Variants in STK32C observed in about 807,000 individuals in gnomAD.
The protein encoded by STK32C is serine/threonine kinase 32C, also known as serine/threonine-protein kinase 32C.
STK32C carries 31 observed loss-of-function variants against 56.5 expected under a neutral mutation model. The observed-to-expected ratio is 0.55, with a 90% confidence interval of 0.41 to 0.74. STK32C has a LOEUF of 0.74. Ranked by LOEUF, STK32C falls within the 30% of genes least tolerant of loss-of-function variation. The pLI is 0.00. For missense variants in STK32C, 544 were observed against 676.9 expected, an observed-to-expected ratio of 0.80 and a Z score of 2.18; for synonymous variants, 309 against 289.4, an observed-to-expected ratio of 1.07 and a Z score of -0.69.
intron 1 of STK32C, chr10:132,249,075 A>G: frequency 2.1e-6 from 1 of 478,392 alleles, no homozygotes; most frequent in Non-Finnish European, 4.2e-6. Context: ...GCTCCGGCAG[A>G]GGCTCCCAGC....
chr10:132,224,191 G>C (rs2062789770), intron 8 of STK32C, among the ~76,000 whole-genome samples: 1 of 152,180 alleles, frequency 6.6e-6, no homozygotes, highest in African/African-American at 2.4e-5. Context: ...GACCTGGTAG[G>C]GCTCGCCATG....
intron 1 of STK32C, among the ~76,000 whole-genome samples, chr10:132,274,160 C>G (rs371392976): frequency 1.3e-5 from 2 of 152,214 alleles, no homozygotes; most frequent in South Asian, 2.1e-4. Flanking sequence ...CAGGACGGGA[C>G]CAGACAGCAA....
At chr10:132,213,887 G>A (rs1233418045) in intron 10 of STK32C, among the ~76,000 whole-genome samples, 3 of 152,094 alleles carry the variant, frequency 2.0e-5, no homozygotes, top group Non-Finnish European at 4.4e-5. Context: ...TGCCTTTGAT[G>A]GTTCCTCAGT....
chr10:132,313,820 G>A (rs1444644706), intron 1 of STK32C, among the ~76,000 whole-genome samples: 8 of 152,252 alleles, frequency 5.3e-5, no homozygotes, highest in Non-Finnish European at 8.8e-5. Context: ...CAAGGACCAG[G>A]TCAAGAGGCC....
At chr10:132,244,451 T>C (rs1226126108) in intron 2 of STK32C, among the ~76,000 whole-genome samples, 1 of 151,768 alleles carries the variant, frequency 6.6e-6, no homozygotes, top group Non-Finnish European at 1.5e-5. Flanking sequence ...CAGGCAGGAG[T>C]GCAGGGCCAG....
intron 1 of STK32C, among the ~76,000 whole-genome samples, chr10:132,246,379 T>A (rs964738957): frequency 6.6e-6 from 1 of 152,178 alleles, no homozygotes; most frequent in African/African-American, 2.4e-5. Context: ...TGAGCAGCTG[T>A]TCCTGGTTCC....
chr10:132,307,597 C>A lies in STK32C; in HGVS notation c.237G>T (p.Arg79Ser). Reference protein sequence around the residue: ...GSSMSAATARRPVFDDKEDVN... With the variant: ...GSSMSAATARSPVFDDKEDVN... The stretch of plus-strand genomic sequence containing the variant: ...CGTCCTCCTTGTCGTCAAACACCGG[C>A]CTCCGCGCGGTGGCCGCCGACATGG... Residue 79 changes from arginine (R) to serine (S), a missense_variant, in exon 1 of 12, where the codon AGG becomes AGT. Coordinates refer to ENST00000298630, the MANE Select transcript of STK32C (RefSeq NM_173575.4). The surrounding 1 kb of genome is among the most constrained non-coding windows in gnomAD (Gnocchi z 4.4). 6.4e-7 allele frequency: 1 copy of A among 1,558,898 alleles called. No homozygotes were observed. Among genetic ancestry groups the A allele is most frequent in the Non-Finnish European group, 8.7e-7 (1 of 1,155,504 alleles).
At chr10:132,214,453 GACAA>G (rs1374450376) in intron 10 of STK32C, among the ~76,000 whole-genome samples, 1 of 151,922 alleles carries the variant, frequency 6.6e-6, no homozygotes, top group Non-Finnish European at 1.5e-5. Context: ...GACTTTTTTG[GACAA>G]ACAAAAAGGG....
At chr10:132,241,655 C>T (rs1590230252) in intron 2 of STK32C, among the ~76,000 whole-genome samples, 2 of 152,196 alleles carry the variant, frequency 1.3e-5, no homozygotes, top group South Asian at 4.1e-4. Context: ...GAAGAGCCGG[C>T]ATTTTTGGCA....
At chr10:132,324,356 G>A (rs1564805109) in exon 2 of STK32C, 1 of 779,000 alleles carries the variant, frequency 1.3e-6, no homozygotes, top group East Asian at 2.4e-5. Flanking sequence ...CCAGTCCTGG[G>A]GTGTGCTCTC....
At position 132,307,478 on chromosome 10, in the gene STK32C, A is replaced by C. The variant is rs940231361; in HGVS notation, c.262+94T>G. Reference sequence around the variant, plus strand: ...GGGGCGCCCCGGGAAGCCGTCCCGGACACCGGGGGAACCCCTGCGGGAAAA... The same window carrying C: ...GGGGCGCCCCGGGAAGCCGTCCCGGCCACCGGGGGAACCCCTGCGGGAAAA... On this transcript the variant is annotated intron_variant, in intron 1 of 11. Transcript: ENST00000298630. This position sits in a 1 kb window ranked among gnomAD's most constrained non-coding sequence, Gnocchi z 4.4. The C allele has an allele frequency of 4.0e-5, 54 of 1,342,588 alleles. No homozygotes were observed. Among genetic ancestry groups the C allele is most frequent in the South Asian group, 8.6e-5 (6 of 69,490 alleles). 83.2% of individuals were successfully genotyped at this position (1,342,588 alleles called of 1,614,324 possible).
intron 2 of STK32C, 134 bp from the exon 3 acceptor site, chr10:132,228,262 C>A: frequency 9.3e-7 from 1 of 1,075,802 alleles, no homozygotes; most frequent in Non-Finnish European, 1.4e-6. Context: ...CGCCGCAGCC[C>A]CTCTGCCTCC....
In STK32C at chr10:132,255,590, C is replaced by T. The variant is rs1326894762; in HGVS notation, c.263-9635G>A. Reference sequence around the variant, plus strand: ...GAGAACATAGAGCAGAAGCGTCCAGCCACAGCAGCACCCAGGAGAGGAGCA... The same window carrying T: ...GAGAACATAGAGCAGAAGCGTCCAGTCACAGCAGCACCCAGGAGAGGAGCA... On this transcript the variant is annotated intron_variant, in intron 1 of 11. Transcript: ENST00000298630. This position sits in a 1 kb window ranked among gnomAD's most constrained non-coding sequence, Gnocchi z 4.6. Among the ~76,000 whole-genome samples the T allele has an allele frequency of 1.3e-5, 2 of 152,226 alleles. No homozygotes were observed. The highest frequency in any genetic ancestry group is 3.9e-4 in the East Asian group (2 of 5,194).
Position 132,235,978 on chromosome 10 carries a change from C to T in STK32C, c.319-7850G>A, listed in dbSNP as rs75944911. 8.8e-4 allele frequency among the ~76,000 whole-genome samples: 134 copies of T among 152,304 alleles called. 2 individuals are homozygous for T. Among genetic ancestry groups the T allele is most frequent in the African/African-American group, 2.8e-3 (117 of 41,548 alleles). On this transcript the variant is annotated intron_variant, in intron 2 of 11. Coordinates refer to ENST00000298630, the MANE Select transcript of STK32C (RefSeq NM_173575.4). ...TTCATGTCGGATACCGAGGGCACAGCGGGAGGTGGCGAAGGTTGTGGCTGT... is the reference window on the plus strand; with the variant it reads ...TTCATGTCGGATACCGAGGGCACAGTGGGAGGTGGCGAAGGTTGTGGCTGT...
intron 4 of STK32C, 98 bp from the exon 5 acceptor site, chr10:132,225,882 C>G (rs141899507): frequency 2.7e-6 from 4 of 1,505,688 alleles, no homozygotes; most frequent in Middle Eastern, 2.1e-4. Context: ...GACATCCCAC[C>G]AACCCACTCG....
rs567190847 is a variant in STK32C at position 132,325,681 on chromosome 10, A to G, written c.302-1308T>C. Among the ~76,000 whole-genome samples, 12 of 151,640 alleles carry G rather than the reference A, an allele frequency of 7.9e-5. No individual in the cohort carries two copies. The East Asian group carries it at 1.4e-3, about 17-fold the overall frequency. ...CCCAGCCAGGTGGAACTTAAGTCCA[A>G]TGAAACCTCTTTCTTTTGTAAATCG... is the stretch of plus-strand genomic sequence containing the variant. On this transcript the variant is annotated intron_variant, in intron 1 of 1. Coordinates refer to the STK32C transcript ENST00000368619.
In STK32C at chr10:132,331,687, GCAGCC is replaced by G; in HGVS notation, c.45_49del (p.Ala16SerfsTer115). The G allele has an allele frequency of 1.9e-6, 3 of 1,612,740 alleles. No homozygotes were observed. Among genetic ancestry groups the G allele is most frequent in the Non-Finnish European group, 2.5e-6 (3 of 1,179,850 alleles). On this transcript the variant is annotated frameshift_variant, in exon 1 of 2. Transcript: ENST00000368619. LOFTEE classifies it high-confidence loss of function. ...TTCTTTTCTGCTCGGCTGTCCTCGA[GCAGCC>G]CCGCCCGCCCCGGGCCCTCCGGCTC...
At chr10:132,321,655 C>A (rs2066410039), downstream of STK32C, among the ~76,000 whole-genome samples, 1 of 152,174 alleles carries the variant, frequency 6.6e-6, no homozygotes, top group Admixed American at 6.5e-5. Context: ...CATAGTGAAA[C>A]CCTGTCTCTA....
intron 1 of STK32C, among the ~76,000 whole-genome samples, chr10:132,285,816 T>C (rs1371354546): frequency 2.6e-5 from 4 of 152,108 alleles, no homozygotes; most frequent in South Asian, 4.2e-4. Flanking sequence ...GCGGAATCAC[T>C]ACAGACATTA....
Sources: allele counts gnomAD v4.1 joint callset (sites outside exome capture counted in the v4.1 genomes callset), GRCh38; gene constraint gnomAD v4.1.1; non-coding constraint Gnocchi (gnomAD v3.1); transcripts MANE v1.5; gene names NCBI Gene and HGNC (gene_info 2026-07-23, HGNC 2026-07-21).